The following VAMP4 variants were observed in gnomAD, a reference collection of about 807,000 sequenced individuals.
VAMP4 encodes vesicle-associated membrane protein 4.
VAMP4 carries 19 observed loss-of-function variants against 23.5 expected under a neutral mutation model. The ratio of observed to expected loss-of-function variants is 0.81; its 90% CI spans 0.56 to 1.19. The LOEUF (loss-of-function observed/expected upper bound fraction) is 1.19, where lower values mean the gene tolerates loss of function less well. VAMP4 is among the 50% of genes most tolerant of loss of function. The pLI is 0.00. For synonymous variants in VAMP4, 31 were observed against 51.0 expected (o/e 0.61, Z 1.67); for missense variants, 145 against 168.6 (o/e 0.86, Z 0.78).
intron 4 of VAMP4, among the ~76,000 whole-genome samples, chr1:171,711,042 T>G (rs1359808855): frequency 6.6e-6 from 1 of 152,148 alleles, no homozygotes; most frequent in Non-Finnish European, 1.5e-5. Flanking sequence ...ATAGCTTACT[T>G]TTAGCCCTGC....
Position 171,738,374 on chromosome 1 carries a change from A to ACAT in VAMP4, c.38_40dup (p.Asp13dup). On this transcript the variant is annotated inframe_insertion, in exon 2 of 8. Coordinates refer to ENST00000236192, the MANE Select transcript of VAMP4 (RefSeq NM_003762.5). Reference sequence around the variant, plus strand: ...CCTTTCACTTTTCACAGAACCTGTGACATCATCATCATTGAGGTGGCGCTT... The same window carrying ACAT: ...CCTTTCACTTTTCACAGAACCTGTGACATCATCATCATCATTGAGGTGGCGCTT... 1 of 1,614,144 alleles carries ACAT rather than the reference A, an allele frequency of 6.2e-7. No individual in the cohort carries two copies. Among genetic ancestry groups the ACAT allele is most frequent in the Non-Finnish European group, 8.5e-7 (1 of 1,179,990 alleles).
intron 2 of VAMP4, 70 bp downstream of exon 2, chr1:171,738,279 T>C: frequency 1.3e-6 from 2 of 1,573,238 alleles, no homozygotes; most frequent in Non-Finnish European, 1.7e-6. Flanking sequence ...GTTTTTCTTC[T>C]ATTATTCACA....
chr1:171,718,347 T>C (rs1463037378), intron 4 of VAMP4, among the ~76,000 whole-genome samples: 1 of 152,182 alleles, frequency 6.6e-6, no homozygotes, highest in African/African-American at 2.4e-5. Context: ...GTAGTGACTA[T>C]TATCCCTCCT....
intron 5 of VAMP4, 71 bp from the exon 6 acceptor site, chr1:171,709,815 A>ATAAGC: frequency 8.4e-7 from 1 of 1,196,200 alleles, no homozygotes; most frequent in Non-Finnish European, 1.2e-6. Context: ...TCACACAAAG[A>ATAAGC]TAAGAAAATA....
At chr1:171,725,662 G>A (rs1172177259) in intron 3 of VAMP4, among the ~76,000 whole-genome samples, 1 of 151,656 alleles carries the variant, frequency 6.6e-6, no homozygotes, top group Non-Finnish European at 1.5e-5. Context: ...TATCCTGTAA[G>A]CTCTTTCTTC....
Position 171,709,654 on chromosome 1 carries a change from G to C in VAMP4, c.345+11C>G, listed in dbSNP as rs370597504. 39 of 1,611,908 alleles carry C rather than the reference G, an allele frequency of 2.4e-5. No individual in the cohort carries two copies. The African/African-American group carries it at 3.2e-4, about 13-fold the overall frequency. ...CTGACCAGTCTATCCAGTAGCTTCT[G>C]ATTTACTTACTTTGCATCCACGCCA... On this transcript the variant is annotated intron_variant, in intron 6 of 7. Coordinates refer to ENST00000236192, the MANE Select transcript of VAMP4 (RefSeq NM_003762.5).
In VAMP4 at chr1:171,707,382, T is replaced by C. The variant is rs10159359; in HGVS notation, c.346-964A>G. 3.0e-3 allele frequency among the ~76,000 whole-genome samples: 464 copies of C among 152,286 alleles called. 2 individuals carry two copies. Among genetic ancestry groups the C allele is most frequent in the African/African-American group, 0.011 (445 of 41,576 alleles). ...TAATAAACATGACCACAATCAAATA[T>C]AGGACATTTCCACCAACACCCTTAA... On this transcript the variant is annotated intron_variant, in intron 6 of 7. Transcript: ENST00000236192.
At chr1:171,736,336 C>G (rs1215896756) in intron 2 of VAMP4, among the ~76,000 whole-genome samples, 2 of 152,148 alleles carry the variant, frequency 1.3e-5, no homozygotes, top group African/African-American at 2.4e-5. Flanking sequence ...ATTTCTCAAT[C>G]CCTGATCATC....
intron 3 of VAMP4, among the ~76,000 whole-genome samples, chr1:171,719,739 A>G (rs1164682110): frequency 6.6e-6 from 1 of 152,064 alleles, no homozygotes; most frequent in Non-Finnish European, 1.5e-5. Context: ...TATTCATCTT[A>G]AACTTATCAA....
intron 1 of VAMP4, among the ~76,000 whole-genome samples, chr1:171,741,343 C>G (rs1451695947): frequency 2.0e-5 from 3 of 152,126 alleles, no homozygotes; most frequent in African/African-American, 7.2e-5. Flanking sequence ...TGCAGTTTCA[C>G]AGAAATAAAG....
chr1:171,729,784 T>TA (rs1473307553), intron 2 of VAMP4, among the ~76,000 whole-genome samples: 1 of 152,160 alleles, frequency 6.6e-6, no homozygotes, highest in Admixed American at 6.5e-5. Context: ...CTTAGCCTCC[T>TA]AAGTAGCTGG....
In VAMP4 at chr1:171,702,733, A is replaced by G. The variant is rs1654486825; in HGVS notation, c.*1773T>C. 2 of 152,054 alleles carry G rather than the reference A, an allele frequency of 1.3e-5. No individual in the cohort carries two copies. Among genetic ancestry groups the G allele is most frequent in the South Asian group, 4.1e-4 (2 of 4,834 alleles). 9.4% of individuals were successfully genotyped at this position (152,054 alleles called of 1,614,324 possible). On this transcript the variant is annotated 3_prime_UTR_variant, in exon 8 of 8. Coordinates refer to ENST00000236192, the MANE Select transcript of VAMP4 (RefSeq NM_003762.5). ...ATTTTTCTGGGTATCTTAACTTAAA[A>G]GATTTATTAGCTGTTCAGATGCTGT... is the stretch of plus-strand genomic sequence containing the variant.
At chr1:171,727,366 T>A (rs1042954031) in intron 3 of VAMP4, among the ~76,000 whole-genome samples, 1 of 151,588 alleles carries the variant, frequency 6.6e-6, no homozygotes, top group East Asian at 1.9e-4. Context: ...CTACTAGATG[T>A]TCAACATCAT....
chr1:171,723,734 C>T (rs746772487), intron 3 of VAMP4, among the ~76,000 whole-genome samples: 11 of 152,024 alleles, frequency 7.2e-5, no homozygotes, highest in South Asian at 2.1e-4. Context: ...CCTCAGCTTA[C>T]GAAGATGACG....
chr1:171,713,440 C>T (rs1174890784), intron 4 of VAMP4, among the ~76,000 whole-genome samples: 1 of 149,770 alleles, frequency 6.7e-6, no homozygotes, highest in Non-Finnish European at 1.5e-5. Context: ...TATACGTACT[C>T]TTAGACGAGA....
chr1:171,700,991 A>AC lies in VAMP4; in HGVS notation c.*3514_*3515insG, dbSNP rs1654412865. Reference sequence around the variant, plus strand: ...ACTTGGTTTCCAGAAGAAAAAAAAAATCAGAATAAGACTATCTCAAAGTAT... The same window carrying AC: ...ACTTGGTTTCCAGAAGAAAAAAAAAACTCAGAATAAGACTATCTCAAAGTAT... On this transcript the variant is annotated 3_prime_UTR_variant, in exon 8 of 8. Coordinates refer to ENST00000236192, the MANE Select transcript of VAMP4 (RefSeq NM_003762.5). 1 of 152,158 alleles carries AC rather than the reference A, an allele frequency of 6.6e-6. No homozygotes were observed. The highest frequency in any genetic ancestry group is 1.5e-5 in the Non-Finnish European group (1 of 68,018). The allele number at this position is 152,158 out of a possible 1,614,324, so 9.4% of individuals were successfully genotyped here. A position where few individuals can be genotyped will look rare whatever the true frequency, so the allele number is the denominator to read the frequency against.
intron 4 of VAMP4, among the ~76,000 whole-genome samples, chr1:171,714,886 A>T (rs1468294859): frequency 1.3e-5 from 2 of 152,182 alleles, no homozygotes; most frequent in African/African-American, 4.8e-5. Context: ...ATATACTACC[A>T]TGTGTTAAGG....
rs1013625254 is a variant in VAMP4 at position 171,702,255 on chromosome 1, G to C, written c.*2251C>G. The C allele has an allele frequency of 1.3e-5, 2 of 151,912 alleles. No homozygotes were observed. Among genetic ancestry groups the C allele is most frequent in the African/African-American group, 4.8e-5 (2 of 41,404 alleles). 9.4% of individuals were successfully genotyped at this position (151,912 alleles called of 1,614,324 possible). ...TTTTAAGGATTTCAGGATTAATCAAGACCAAGAAAGATGAAATGATGAATT... is the reference window on the plus strand; with the variant it reads ...TTTTAAGGATTTCAGGATTAATCAACACCAAGAAAGATGAAATGATGAATT... On this transcript the variant is annotated 3_prime_UTR_variant, in exon 8 of 8. Coordinates refer to ENST00000236192, the MANE Select transcript of VAMP4 (RefSeq NM_003762.5).
intron 7 of VAMP4, 27 bp downstream of exon 7, chr1:171,706,340 G>C: frequency 1.3e-6 from 2 of 1,588,612 alleles, no homozygotes; most frequent in Non-Finnish European, 8.6e-7. Flanking sequence ...TGATACCCTA[G>C]GAAGTAATAA....
Sources: gnomAD v4.1 joint callset for allele counts (sites outside exome capture counted in the v4.1 genomes callset) on GRCh38, gnomAD v4.1.1 for gene constraint, MANE v1.5 for transcripts, NCBI Gene and HGNC (gene_info 2026-07-23, HGNC 2026-07-21) for gene names.